EVI5: variants seen among roughly 807,000 people sequenced by gnomAD.
EVI5 encodes the protein ecotropic viral integration site 5 protein homolog.
In EVI5, 73 loss-of-function variants were observed where a neutral mutation model predicts 112.0. The observed-to-expected ratio is 0.65, with a 90% CI of 0.54 to 0.79. EVI5 has a LOEUF of 0.79. Among genes scored for constraint, EVI5 ranks in the 30% least tolerant of loss-of-function variants. The pLI, the probability that EVI5 is intolerant of heterozygous loss-of-function variation, is 0.00. For synonymous variants in EVI5, 305 were observed against 319.9 expected (o/e 0.95, Z 0.50); for missense variants, 900 against 968.8 (o/e 0.93, Z 0.94).
chr1:92,536,178 C>A (rs995184794), intron 19 of EVI5, among the ~76,000 whole-genome samples: 1 of 152,136 alleles, frequency 6.6e-6, no homozygotes, highest in Non-Finnish European at 1.5e-5. Flanking sequence ...TTTTTTATAA[C>A]ATCTAAATCT....
intron 1 of EVI5, among the ~76,000 whole-genome samples, chr1:92,790,525 GTT>G (rs80086643): frequency 7.0e-6 from 1 of 143,882 alleles, no homozygotes. Flanking sequence ...TTTTTTTTTG[GTT>G]TTTTTTTTTA....
At chr1:92,647,469 T>C (rs760297213) in intron 13 of EVI5, 1 of 441,724 alleles carries the variant, frequency 2.3e-6, no homozygotes, top group Non-Finnish European at 4.3e-6. Flanking sequence ...TTTCACCACA[T>C]TTAGGATTCT....
intron 19 of EVI5, among the ~76,000 whole-genome samples, chr1:92,531,273 A>G (rs1002184747): frequency 1.3e-5 from 2 of 152,090 alleles, no homozygotes; most frequent in Admixed American, 6.6e-5. Flanking sequence ...AGCCTCCAAG[A>G]AATATGGGAC....
chr1:92,781,954 C>CAAAAA (rs36036236), intron 1 of EVI5, among the ~76,000 whole-genome samples: 1 of 47,036 alleles, frequency 2.1e-5, no homozygotes, highest in Non-Finnish European at 3.5e-5. Flanking sequence ...GATTCTGTCT[C>CAAAAA]AAAAAAAAAA....
At chr1:92,663,572 AT>A in intron 11 of EVI5, 120 bp from the exon 12 acceptor site, 1 of 445,964 alleles carries the variant, frequency 2.2e-6, no homozygotes, top group Non-Finnish European at 3.9e-6. Context: ...TAAAATGGAC[AT>A]TTAAAGTTTA....
At chr1:92,541,352 A>T (rs1022748624) in intron 19 of EVI5, among the ~76,000 whole-genome samples, 4 of 152,242 alleles carry the variant, frequency 2.6e-5, no homozygotes, top group Non-Finnish European at 4.4e-5. Context: ...CATTTCTCTG[A>T]AGAAGCTATA....
At chr1:92,746,248 CGTT>C (rs1415629321) in intron 1 of EVI5, among the ~76,000 whole-genome samples, 1 of 152,186 alleles carries the variant, frequency 6.6e-6, no homozygotes, top group Non-Finnish European at 1.5e-5. Context: ...AGTTGTGAAT[CGTT>C]CTTTGCTCAA....
chr1:92,640,858 A>G (rs1290989546), intron 13 of EVI5, among the ~76,000 whole-genome samples: 1 of 152,260 alleles, frequency 6.6e-6, no homozygotes, highest in Non-Finnish European at 1.5e-5. Context: ...GACTAGATTA[A>G]GAAAATGTGG....
chr1:92,687,465 A>G (rs1178785330), intron 9 of EVI5, among the ~76,000 whole-genome samples: 2 of 152,216 alleles, frequency 1.3e-5, no homozygotes, highest in Admixed American at 1.3e-4. Flanking sequence ...AGTACCATTC[A>G]GGACATAGGC....
intron 19 of EVI5, among the ~76,000 whole-genome samples, chr1:92,552,184 T>C (rs1169579166): frequency 1.3e-5 from 2 of 149,132 alleles, no homozygotes; most frequent in Non-Finnish European, 1.5e-5. Context: ...CTGGCCAAAT[T>C]TGGGACAATA....
chr1:92,734,595 T>C (rs895698685), intron 2 of EVI5, among the ~76,000 whole-genome samples: 1 of 152,190 alleles, frequency 6.6e-6, no homozygotes, highest in Non-Finnish European at 1.5e-5. Flanking sequence ...CCTTTGTCTC[T>C]TTTCTATTCT....
intron 1 of EVI5, among the ~76,000 whole-genome samples, chr1:92,757,891 G>A (rs1448194672): frequency 2.3e-5 from 3 of 132,344 alleles, no homozygotes; most frequent in Non-Finnish European, 4.7e-5. Flanking sequence ...GCAAAAGAGT[G>A]AGCGAGACTC....
chr1:92,683,871 G>T (rs778381835), intron 9 of EVI5, among the ~76,000 whole-genome samples: 1 of 152,050 alleles, frequency 6.6e-6, no homozygotes, highest in Non-Finnish European at 1.5e-5. Context: ...GAAAAGAAAT[G>T]AACAAAGACT....
chr1:92,624,348 A>C lies in EVI5; in HGVS notation c.1669-14T>G. 1 of 1,609,076 alleles carries C rather than the reference A, an allele frequency of 6.2e-7. No individual in the cohort carries two copies. Among genetic ancestry groups the C allele is most frequent in the Admixed American group, 1.7e-5 (1 of 59,322 alleles). ...AGCTAAGTGGCGCTAAAGCATAAAA[A>C]ATTATATTGCAACAAATACTCTCAG... On this transcript the variant is annotated splice_polypyrimidine_tract_variant and intron_variant, in intron 15 of 19. Coordinates refer to ENST00000684568, the MANE Select transcript of EVI5 (RefSeq NM_001350197.2).
chr1:92,771,466 T>C (rs1338084388), intron 1 of EVI5, among the ~76,000 whole-genome samples: 3 of 152,046 alleles, frequency 2.0e-5, no homozygotes, highest in Non-Finnish European at 1.5e-5. Flanking sequence ...CTATAACAGA[T>C]ACATAGGGGT....
At chr1:92,607,879 A>G (rs1442382484) in intron 16 of EVI5, 152 bp from the exon 17 acceptor site, 3 of 564,080 alleles carry the variant, frequency 5.3e-6, no homozygotes, top group Non-Finnish European at 8.9e-6. Context: ...AAAATAAGAT[A>G]AAACTGCCTT....
chr1:92,769,655 G>A (rs1002555626), intron 1 of EVI5, among the ~76,000 whole-genome samples: 1 of 152,172 alleles, frequency 6.6e-6, no homozygotes, highest in South Asian at 2.1e-4. Context: ...GGAGGCCGAG[G>A]CAGGCAGATC....
At chr1:92,777,787 T>C (rs185461670) in intron 1 of EVI5, among the ~76,000 whole-genome samples, 1 of 152,358 alleles carries the variant, frequency 6.6e-6, no homozygotes, top group Non-Finnish European at 1.5e-5. Flanking sequence ...AAAGTTGTGT[T>C]ATTGTTGTTT....
intron 18 of EVI5, among the ~76,000 whole-genome samples, chr1:92,576,555 G>A (rs1313822161): frequency 1.3e-5 from 2 of 152,126 alleles, no homozygotes; most frequent in Admixed American, 6.5e-5. Flanking sequence ...CAGGGGTAGA[G>A]TAAAAAGGTC....
Sources: allele counts gnomAD v4.1 joint callset (sites outside exome capture counted in the v4.1 genomes callset), GRCh38; gene constraint gnomAD v4.1.1; transcripts MANE v1.5; gene names NCBI Gene and HGNC (gene_info 2026-07-23, HGNC 2026-07-21).